Variants in SRP54 observed in about 807,000 individuals in gnomAD.
SRP54 encodes signal recognition particle subunit SRP54.
A neutral mutation model predicts 64.8 loss-of-function variants in SRP54; 10 were observed. The observed-to-expected ratio is 0.15, with a 90% CI of 0.10 to 0.26. SRP54 has a LOEUF of 0.26. SRP54 is among the 10% of genes least tolerant of loss of function. The pLI is 1.00. For missense variants in SRP54, 325 were observed against 613.7 expected (o/e 0.53, Z 4.97); for synonymous variants, 193 against 185.6 (o/e 1.04, Z -0.32).
intron 1 of SRP54, among the ~76,000 whole-genome samples, chr14:34,988,811 G>C (rs1462254667): frequency 6.6e-6 from 1 of 151,516 alleles, no homozygotes; most frequent in East Asian, 1.9e-4. Flanking sequence ...TATCTGGGGG[G>C]GATTGATTCC....
intron 13 of SRP54, among the ~76,000 whole-genome samples, chr14:35,019,762 C>T (rs1281421784): frequency 1.3e-5 from 2 of 152,216 alleles, no homozygotes; most frequent in Admixed American, 6.5e-5. Flanking sequence ...TAAAGTCAGT[C>T]ATACAGATTG....
At chr14:35,006,178 A>G (rs113888275) in intron 4 of SRP54, among the ~76,000 whole-genome samples, 2 of 152,126 alleles carry the variant, frequency 1.3e-5, no homozygotes, top group African/African-American at 2.4e-5. Context: ...GACTGTCCCT[A>G]TATGAACCTC....
At chr14:35,024,028 C>A (rs1486904176) in intron 14 of SRP54, among the ~76,000 whole-genome samples, 2 of 151,784 alleles carry the variant, frequency 1.3e-5, no homozygotes, top group East Asian at 1.9e-4. Context: ...CATTATATTT[C>A]TTTATTTATA....
intron 1 of SRP54, among the ~76,000 whole-genome samples, chr14:34,986,244 T>G (rs894227120): frequency 6.6e-6 from 1 of 152,226 alleles, no homozygotes; most frequent in Non-Finnish European, 1.5e-5. Flanking sequence ...AAGAGAAAGT[T>G]GCTTGATACT....
intron 1 of SRP54, among the ~76,000 whole-genome samples, chr14:34,991,688 A>G (rs979182958): frequency 4.8e-5 from 7 of 146,208 alleles, no homozygotes; most frequent in Non-Finnish European, 1.1e-4. Context: ...AGCAATAGCA[A>G]GGAGGTCAGT....
At chr14:35,002,115 G>A (rs1311218921) in intron 4 of SRP54, among the ~76,000 whole-genome samples, 1 of 152,098 alleles carries the variant, frequency 6.6e-6, no homozygotes, top group African/African-American at 2.4e-5. Context: ...AGCACTGTGG[G>A]AGGCTGAGAT....
intron 14 of SRP54, among the ~76,000 whole-genome samples, chr14:35,023,643 G>A (rs570199377): frequency 3.3e-5 from 5 of 151,900 alleles, no homozygotes; most frequent in African/African-American, 9.7e-5. Context: ...AAATATCCGG[G>A]TGTCGTGGGG....
In SRP54 at chr14:34,983,213, G is replaced by A. The variant is rs1594971080; in HGVS notation, c.-36G>A. ...GGCCACGGCTTTAGCGGTGTCTTTT[G>A]CGGTAAGTGTCTGCTTTTTCCCGCC... is the stretch of plus-strand genomic sequence containing the variant. On this transcript the variant is annotated splice_region_variant and 5_prime_UTR_variant, in exon 1 of 16. Transcript: ENST00000216774. The A allele has an allele frequency of 6.6e-6, 1 of 152,306 alleles. No individual in the cohort carries two copies. Among genetic ancestry groups the A allele is most frequent in the African/African-American group, 2.4e-5 (1 of 41,448 alleles). The allele number at this position is 152,306 out of a possible 1,614,324, so 9.4% of individuals were successfully genotyped here.
At chr14:35,010,847 A>G (rs2044345637) in intron 7 of SRP54, among the ~76,000 whole-genome samples, 1 of 152,230 alleles carries the variant, frequency 6.6e-6, no homozygotes, top group Admixed American at 6.5e-5. Flanking sequence ...TTATTTAATA[A>G]ATGATACAGC....
chr14:35,011,826 A>AT (rs2044361110), intron 8 of SRP54, among the ~76,000 whole-genome samples, 167 bp downstream of exon 8: 1 of 152,188 alleles, frequency 6.6e-6, no homozygotes, highest in South Asian at 2.1e-4. Context: ...ACTTAATTTC[A>AT]TTATTTTTGT....
chr14:35,028,026 C>G (rs2139033794), intron 14 of SRP54, 62 bp from the exon 15 acceptor site: 1 of 1,056,952 alleles, frequency 9.5e-7, no homozygotes, highest in Non-Finnish European at 1.4e-6. Context: ...CTATTATACC[C>G]TGATTATACT....
At chr14:34,991,056 G>A (rs2043967370) in intron 1 of SRP54, among the ~76,000 whole-genome samples, 1 of 151,506 alleles carries the variant, frequency 6.6e-6, no homozygotes, top group East Asian at 1.9e-4. Flanking sequence ...GAGCTCACAG[G>A]AGAAAGCAAA....
At chr14:35,001,550 C>T (rs993558121) in intron 4 of SRP54, among the ~76,000 whole-genome samples, 4 of 152,098 alleles carry the variant, frequency 2.6e-5, no homozygotes, top group Admixed American at 1.3e-4. Context: ...AGCCAAGATG[C>T]GATGAGTGAA....
intron 1 of SRP54, among the ~76,000 whole-genome samples, chr14:34,987,232 A>C (rs1210481751): frequency 2.1e-5 from 1 of 48,118 alleles, no homozygotes; most frequent in Non-Finnish European, 4.4e-5. Context: ...CTACATCTGA[A>C]AAAAAAAAAA....
At chr14:34,997,926 T>TCC (rs1392516294) in intron 2 of SRP54, among the ~76,000 whole-genome samples, 2 of 152,104 alleles carry the variant, frequency 1.3e-5, no homozygotes, top group African/African-American at 4.8e-5. Context: ...GCCCTTATGT[T>TCC]CTTTGTGTTT....
chr14:34,988,597 CAT>C (rs1207004558), intron 1 of SRP54, among the ~76,000 whole-genome samples: 97 of 77,774 alleles, frequency 1.2e-3, no homozygotes, highest in Non-Finnish European at 2.4e-3. Context: ...ATATATATAA[CAT>C]ATATATATAT....
intron 8 of SRP54, among the ~76,000 whole-genome samples, chr14:35,012,396 T>C (rs1335644551): frequency 6.6e-6 from 1 of 152,154 alleles, no homozygotes; most frequent in Non-Finnish European, 1.5e-5. Context: ...TTTATAGATA[T>C]CTGCAGCATA....
In SRP54 at chr14:35,023,416, A is replaced by G. The variant is rs2044567866; in HGVS notation, c.1327+336A>G. 2.0e-5 allele frequency among the ~76,000 whole-genome samples: 3 copies of G among 152,092 alleles called. No homozygotes were observed. The South Asian group carries it at 6.2e-4, about 31-fold the overall frequency. On this transcript the variant is annotated intron_variant, in intron 14 of 15. Coordinates refer to ENST00000216774, the MANE Select transcript of SRP54 (RefSeq NM_003136.4). ...AGAGAATCCAGTGGATCCTACTGCA[A>G]ATAACAGTTGCTATAACTAAGTTTT...
intron 1 of SRP54, among the ~76,000 whole-genome samples, chr14:34,993,056 C>T (rs2044006707): frequency 6.6e-6 from 1 of 152,122 alleles, no homozygotes. Context: ...GATGGGGTTT[C>T]ACCATGTTGG....
Sources: allele counts gnomAD v4.1 joint callset (sites outside exome capture counted in the v4.1 genomes callset), GRCh38; gene constraint gnomAD v4.1.1; transcripts MANE v1.5; gene names NCBI Gene and HGNC (gene_info 2026-07-23, HGNC 2026-07-21).